PIK3CA: variants seen among roughly 807,000 people sequenced by gnomAD.
PIK3CA encodes phosphatidylinositol 4,5-bisphosphate 3-kinase catalytic subunit alpha isoform.
PIK3CA carries 27 observed loss-of-function variants against 138.2 expected under a neutral mutation model. The observed-to-expected ratio is 0.20, with a 90% CI of 0.14 to 0.27. The LOEUF (loss-of-function observed/expected upper bound fraction) is 0.27, where lower values mean the gene tolerates loss of function less well. Among genes scored for constraint, PIK3CA ranks in the 10% least tolerant of loss-of-function variants. The probability of loss-of-function intolerance (pLI) is 1.00; values close to 1 mark genes in which losing one functional copy is unlikely to be tolerated. For synonymous variants in PIK3CA, 358 were observed against 413.2 expected (o/e 0.87, Z 1.62); for missense variants, 544 against 1,277.4 (o/e 0.43, Z 8.75).
At chr3:179,180,766 T>TGGA (rs1723821192) in intron 1 of PIK3CA, among the ~76,000 whole-genome samples, 1 of 152,168 alleles carries the variant, frequency 6.6e-6, no homozygotes, top group African/African-American at 2.4e-5. Flanking sequence ...AGAGATCATT[T>TGGA]CAACATTCTA....
chr3:179,198,461 A>G (rs1206238577), intron 1 of PIK3CA, among the ~76,000 whole-genome samples: 1 of 152,210 alleles, frequency 6.6e-6, no homozygotes, highest in African/African-American at 2.4e-5. Context: ...CCATAGCCTC[A>G]TCTCTGTCTT....
At chr3:179,214,038 G>C (rs1724781619) in intron 9 of PIK3CA, among the ~76,000 whole-genome samples, 1 of 152,178 alleles carries the variant, frequency 6.6e-6, no homozygotes, top group Admixed American at 6.5e-5. Flanking sequence ...CCTTGCTCTG[G>C]ATTAGGCTTT....
At chr3:179,153,421 G>A (rs1211557795) in intron 1 of PIK3CA, among the ~76,000 whole-genome samples, 1 of 151,814 alleles carries the variant, frequency 6.6e-6, no homozygotes, top group Non-Finnish European at 1.5e-5. Flanking sequence ...GCCAACATAC[G>A]GCCATAAGTG....
intron 1 of PIK3CA, among the ~76,000 whole-genome samples, chr3:179,193,791 C>A (rs1190901549): frequency 2.0e-5 from 3 of 152,196 alleles, no homozygotes; most frequent in Admixed American, 2.0e-4. Flanking sequence ...TGTCAGTATG[C>A]ATATGAATCT....
intron 1 of PIK3CA, among the ~76,000 whole-genome samples, chr3:179,166,079 T>TA (rs1041187339): frequency 1.3e-5 from 2 of 151,968 alleles, no homozygotes; most frequent in African/African-American, 4.8e-5. Context: ...TATTTAATCT[T>TA]AGAGTAAAAG....
Position 179,203,468 on chromosome 3 carries a change from G to T in PIK3CA, c.814-76G>T, listed in dbSNP as rs571937784. On this transcript the variant is annotated intron_variant, in intron 4 of 20. Transcript: ENST00000263967. ...TATCACCTTTGCAGATTAATATGTAGTCATAATACTCTGACATGTTACTTT... is the reference window on the plus strand; with the variant it reads ...TATCACCTTTGCAGATTAATATGTATTCATAATACTCTGACATGTTACTTT... 3 of 1,302,238 alleles carry T rather than the reference G, an allele frequency of 2.3e-6. No homozygotes were observed. The South Asian group carries it at 4.4e-5, about 19-fold the overall frequency. 80.7% of individuals were successfully genotyped at this position (1,302,238 alleles called of 1,614,324 possible).
At chr3:179,228,477 A>G (rs1372296848) in intron 17 of PIK3CA, among the ~76,000 whole-genome samples, 1 of 152,106 alleles carries the variant, frequency 6.6e-6, no homozygotes, top group African/African-American at 2.4e-5. Flanking sequence ...GTCAGGTTTT[A>G]GAATAGTACC....
At chr3:179,155,097 A>T (rs1472350419) in intron 1 of PIK3CA, among the ~76,000 whole-genome samples, 1 of 152,186 alleles carries the variant, frequency 6.6e-6, no homozygotes. Flanking sequence ...TTTTGCTCTA[A>T]TCATAACTCT....
At chr3:179,213,467 C>T (rs1334970242) in intron 9 of PIK3CA, among the ~76,000 whole-genome samples, 1 of 152,206 alleles carries the variant, frequency 6.6e-6, no homozygotes, top group East Asian at 1.9e-4. Flanking sequence ...GGTGGAGGGT[C>T]TTGCCTCAGT....
At chr3:179,213,341 C>T (rs1276102761) in intron 9 of PIK3CA, among the ~76,000 whole-genome samples, 3 of 152,158 alleles carry the variant, frequency 2.0e-5, no homozygotes, top group Admixed American at 1.3e-4. Flanking sequence ...AATAGTCTGT[C>T]ATCTGTAAAG....
At chr3:179,208,990 T>A (rs887595664) in intron 6 of PIK3CA, among the ~76,000 whole-genome samples, 5 of 137,826 alleles carry the variant, frequency 3.6e-5, no homozygotes, top group Middle Eastern at 3.6e-3. Context: ...TATAAATATA[T>A]AGAAATAATA....
upstream of PIK3CA, chr3:179,148,135 G>A (rs150817108): frequency 0.019 from 2,892 of 149,900 alleles, 53 homozygotes; most frequent in South Asian, 0.038. Flanking sequence ...TGTAGGCTCT[G>A]CCCCTCCTCA....
chr3:179,171,944 G>C (rs1375915362), intron 1 of PIK3CA, among the ~76,000 whole-genome samples: 1 of 151,936 alleles, frequency 6.6e-6, no homozygotes. Flanking sequence ...AAGAAAACTA[G>C]CAGCCAGTAT....
intron 1 of PIK3CA, among the ~76,000 whole-genome samples, chr3:179,176,574 A>G (rs1723702869): frequency 6.6e-6 from 1 of 151,736 alleles, no homozygotes; most frequent in South Asian, 2.1e-4. Context: ...CCTTTTTTAT[A>G]AACTATTTTG....
At chr3:179,192,889 A>G (rs1724169606) in intron 1 of PIK3CA, among the ~76,000 whole-genome samples, 1 of 152,252 alleles carries the variant, frequency 6.6e-6, no homozygotes, top group African/African-American at 2.4e-5. Context: ...TAAAAATCGA[A>G]CTGTCAAGAT....
intron 1 of PIK3CA, among the ~76,000 whole-genome samples, chr3:179,160,951 CATAGTAGGCAAATTACT>C (rs1334937373): frequency 7.4e-6 from 1 of 135,506 alleles, no homozygotes; most frequent in Non-Finnish European, 1.6e-5. Context: ...TTCAATGTTA[CATAGTAGGCAAATTACT>C]ATTATGGTTC....
intron 1 of PIK3CA, among the ~76,000 whole-genome samples, chr3:179,169,491 G>A (rs773480516): frequency 6.6e-5 from 10 of 151,910 alleles, no homozygotes; most frequent in East Asian, 1.9e-4. Context: ...AGTTTTCTTC[G>A]TTTATTTTAA....
rs1724330771 is a variant in PIK3CA, at chr3:179,198,769, C to G, written c.-57C>G. 1 of 974,578 alleles carries G rather than the reference C, an allele frequency of 1.0e-6. No homozygotes were observed. Among genetic ancestry groups the G allele is most frequent in the Admixed American group, 2.8e-5 (1 of 36,140 alleles). The allele number at this position is 974,578 out of a possible 1,614,324, so 60.4% of individuals were successfully genotyped here. On this transcript the variant is annotated 5_prime_UTR_variant, in exon 2 of 21. Coordinates refer to ENST00000263967, the MANE Select transcript of PIK3CA (RefSeq NM_006218.4). ...ATTTAGGTTTCTGCTTTGGGACAAC[C>G]ATACATCTAATTCCTTAAAGTAGTT...
At chr3:179,187,898 A>G in intron 1 of PIK3CA, among the ~76,000 whole-genome samples, 1 of 152,146 alleles carries the variant, frequency 6.6e-6, no homozygotes, top group Non-Finnish European at 1.5e-5. Context: ...CGGCCTCCCA[A>G]AATGCTGGGA....
Sources: allele counts gnomAD v4.1 joint callset (sites outside exome capture counted in the v4.1 genomes callset), GRCh38; gene constraint gnomAD v4.1.1; transcripts MANE v1.5; gene names NCBI Gene and HGNC (gene_info 2026-07-23, HGNC 2026-07-21).